The following ALOX12B variants were observed in gnomAD, a reference collection of about 807,000 sequenced individuals.
ALOX12B encodes arachidonate 12-lipoxygenase, 12R type.
A neutral mutation model predicts 78.9 loss-of-function variants in ALOX12B; 47 were observed. The ratio of observed to expected loss-of-function variants is 0.60; its 90% CI spans 0.47 to 0.76. The LOEUF (loss-of-function observed/expected upper bound fraction) is 0.76. ALOX12B is among the 30% of genes least tolerant of loss of function. ALOX12B has a pLI of 0.00. For synonymous variants in ALOX12B, 370 were observed against 374.5 expected, an observed-to-expected ratio of 0.99 and a Z score of 0.14; for missense variants, 805 against 922.6, an observed-to-expected ratio of 0.87 and a Z score of 1.65.
At position 8,072,770 on chromosome 17, in the gene ALOX12B, C is replaced by G; in HGVS notation, c.*1G>C. Reference sequence around the variant, plus strand: ...GGAGAGGAGAGACGGGAAGCGCGCTCCTAAATAGAAATGCTGTTCTCAATC... The same window carrying G: ...GGAGAGGAGAGACGGGAAGCGCGCTGCTAAATAGAAATGCTGTTCTCAATC... On this transcript the variant is annotated 3_prime_UTR_variant, in exon 15 of 15. Transcript: ENST00000647874. 6.2e-7 allele frequency: 1 copy of G among 1,614,198 alleles called. No homozygotes were observed. The highest frequency in any genetic ancestry group is 8.5e-7 in the Non-Finnish European group (1 of 1,180,042).
At position 8,079,736 on chromosome 17, in the gene ALOX12B, G is replaced by T. The variant is rs371936754; in HGVS notation, c.927+33C>A. On this transcript the variant is annotated intron_variant, in intron 7 of 14. Coordinates refer to ENST00000647874, the MANE Select transcript of ALOX12B (RefSeq NM_001139.3). This position sits in a 1 kb window ranked among gnomAD's most constrained non-coding sequence, Gnocchi z 6.4. ...GGATGCCCGCGAGGGAGGCCGGGAGGAGGGCCGGGGTCTCCGCCGGAGCGG... is the reference window on the plus strand; with the variant it reads ...GGATGCCCGCGAGGGAGGCCGGGAGTAGGGCCGGGGTCTCCGCCGGAGCGG... 7.7e-5 allele frequency: 123 copies of T among 1,600,130 alleles called. 2 individuals carry two copies. In the East Asian group the frequency reaches 1.5e-3, roughly 19 times the overall value.
At chr17:8,086,275 C>G (rs182985887) in intron 1 of ALOX12B, 55 bp from the exon 2 acceptor site, 2 of 1,571,074 alleles carry the variant, frequency 1.3e-6, no homozygotes, top group South Asian at 1.1e-5. Flanking sequence ...GGCTCCCAGG[C>G]CGCCCACCCC....
rs559401066 is a variant in ALOX12B, at chr17:8,076,302, G to A, written c.1405C>T (p.Arg469Trp). The A allele has an allele frequency of 2.2e-5, 36 of 1,612,500 alleles. No homozygotes were observed. In the South Asian group the frequency reaches 2.5e-4, roughly 11 times the overall value. The change falls in exon 11 of 15, where the codon CGG becomes TGG. Residue 469 changes from arginine (R) to tryptophan (W), a missense_variant. Arg to Trp is a moderately radical substitution (Grantham distance 101, BLOSUM62 -3). Transcript: ENST00000647874. ...TCATAGGTGAGCTCCGACAGAGCCC[G>A]TACCATCACCCCAGCAAAGCCTTCC... Reference protein sequence around the residue: ...GVEGFAGVMVRALSELTYDSL... With the variant: ...GVEGFAGVMVWALSELTYDSL...
rs1272001377 is a variant in ALOX12B at position 8,076,673 on chromosome 17, C to T, written c.1346G>A (p.Gly449Glu). Residue 449 changes from glycine to glutamate, a missense_variant, in exon 10 of 15, where the codon GGG becomes GAG. Physicochemically the swap from Gly to Glu is moderately conservative, Grantham distance 98. Transcript: ENST00000647874. ...SIGRAVLLNE[G>E]GLSAKGMSLG... ...AAGTCTTACCTTGGCAGAGAGCCCC[C>T]CCTCATTGAGGAGAACGGCCCGGCC... 30 of 1,551,350 alleles carry T rather than the reference C, an allele frequency of 1.9e-5. No individual in the cohort carries two copies. The highest frequency in any genetic ancestry group is 4.1e-5 in the African/African-American group (3 of 73,036).
At chr17:8,078,510 C>T (rs1977136700) in intron 8 of ALOX12B, among the ~76,000 whole-genome samples, 1 of 152,006 alleles carries the variant, frequency 6.6e-6, no homozygotes. Context: ...GTGGCTCACG[C>T]CTGTAGTCCC....
chr17:8,087,032 A>G (rs1313186726), intron 1 of ALOX12B, among the ~76,000 whole-genome samples: 1 of 152,084 alleles, frequency 6.6e-6, no homozygotes, highest in African/African-American at 2.4e-5. Context: ...ATGGAGAAGG[A>G]TGGCCCAGAG....
intron 12 of ALOX12B, among the ~76,000 whole-genome samples, chr17:8,075,201 G>A (rs1019644430): frequency 2.6e-5 from 4 of 152,268 alleles, no homozygotes; most frequent in South Asian, 4.1e-4. Flanking sequence ...CCCAGGTGGC[G>A]GGACCTCAGG....
In ALOX12B at chr17:8,081,091, C is replaced by T; in HGVS notation, c.434+15G>A. 6.2e-7 allele frequency: 1 copy of T among 1,613,714 alleles called. No individual in the cohort carries two copies. Among genetic ancestry groups the T allele is most frequent in the Non-Finnish European group, 8.5e-7 (1 of 1,179,968 alleles). ...CCCCTGCCGGGCGCCCAGACTCTGC[C>T]ACCCGCCCCCTCACTGGTAGAAGTC... On this transcript the variant is annotated intron_variant, in intron 3 of 14. Transcript: ENST00000647874.
chr17:8,086,135 G>C lies in ALOX12B; in HGVS notation c.233C>G (p.Pro78Arg). 2 of 1,614,188 alleles carry C rather than the reference G, an allele frequency of 1.2e-6. No individual in the cohort carries two copies. Among genetic ancestry groups the C allele is most frequent in the East Asian group, 4.5e-5 (2 of 44,874 alleles). The change falls in exon 2 of 15, where the codon CCC (proline) becomes CGC (arginine). Residue 78 changes from proline (P) to arginine (R), a missense_variant. Coordinates refer to ENST00000647874, the MANE Select transcript of ALOX12B (RefSeq NM_001139.3). ...ATAGTTGCAGTACCAAGGGTCCTTG[G>C]GGAAGAAGGCGTACCGCTCTTTGTG... ...RLHKERYAFFPKDPWYCNYVQ... is the reference protein window; with the variant it reads ...RLHKERYAFFRKDPWYCNYVQ...
In ALOX12B at chr17:8,080,836, C is replaced by T. The variant is rs547595679; in HGVS notation, c.527+48G>A. 1.9e-6 allele frequency: 3 copies of T among 1,613,900 alleles called. No homozygotes were observed. In the East Asian group the frequency reaches 6.7e-5, roughly 36 times the overall value. On this transcript the variant is annotated intron_variant, in intron 4 of 14. Transcript: ENST00000647874. This position sits in a 1 kb window ranked among gnomAD's most constrained non-coding sequence, Gnocchi z 4.8. ...CCAGGGGGCGGGGAGGAGGCAGGCG[C>T]CCAGGGGAAAACCATGGGCGGGGCC...
chr17:8,077,071 G>A lies in ALOX12B; in HGVS notation c.1194C>T (p.His398=). ...AEFYSHEAIA[H]LLETHLIAEA... Reference sequence around the variant, plus strand: ...CAGCAATGAGGTGTGTCTCCAGCAGGTGGGCGATGGCCTCGTGGCTGTAGA... The same window carrying A: ...CAGCAATGAGGTGTGTCTCCAGCAGATGGGCGATGGCCTCGTGGCTGTAGA... Residue 398 remains histidine (H), a synonymous_variant, in exon 9 of 15, where the codon CAC becomes CAT. Transcript: ENST00000647874. 6.2e-7 allele frequency: 1 copy of A among 1,614,088 alleles called. No individual in the cohort carries two copies. Among genetic ancestry groups the A allele is most frequent in the Non-Finnish European group, 8.5e-7 (1 of 1,180,022 alleles).
rs1978307735 is a variant in ALOX12B, at chr17:8,087,713, T to G, written c.-271A>C. 1 of 544,744 alleles carries G rather than the reference T, an allele frequency of 1.8e-6. No homozygotes were observed. The highest frequency in any genetic ancestry group is 3.2e-5 in the East Asian group (1 of 31,476). The allele number at this position is 544,744 out of a possible 1,614,324, so 33.7% of individuals were successfully genotyped here. A position where few individuals can be genotyped will look rare whatever the true frequency, so the allele number is the denominator to read the frequency against. On this transcript the variant is annotated 5_prime_UTR_variant, in exon 1 of 15. Transcript: ENST00000647874. ...TGAGCAGGTGTCTGGGCTCCAAGCC[T>G]TCTGGGAGCTGGTGGGGAGGAAGAG...
intron 12 of ALOX12B, among the ~76,000 whole-genome samples, chr17:8,074,073 G>A (rs946764204): frequency 4.6e-5 from 7 of 152,168 alleles, no homozygotes; most frequent in Admixed American, 1.3e-4. Flanking sequence ...GGGGATGTTG[G>A]GAGAGGCAGG....
rs765248371 is a variant in ALOX12B, at chr17:8,080,381, C to G, written c.651-43G>C. On this transcript the variant is annotated intron_variant, in intron 5 of 14. Coordinates refer to ENST00000647874, the MANE Select transcript of ALOX12B (RefSeq NM_001139.3). This position sits in a 1 kb window ranked among gnomAD's most constrained non-coding sequence, Gnocchi z 4.8. ...AGGAAGAGGCCTTCAGAGGGGCTGC[C>G]AAGCGCCGGCTGGGGCAGGTGGCGG... 1 of 1,606,848 alleles carries G rather than the reference C, an allele frequency of 6.2e-7. No homozygotes were observed. The highest frequency in any genetic ancestry group is 8.5e-7 in the Non-Finnish European group (1 of 1,173,556).
rs1336771064 is a variant in ALOX12B, at chr17:8,079,394, A to G, written c.1071+2T>C. 3 of 1,553,062 alleles carry G rather than the reference A, an allele frequency of 1.9e-6. No individual in the cohort carries two copies. The highest frequency in any genetic ancestry group is 2.6e-6 in the Non-Finnish European group (3 of 1,148,448). On this transcript the variant is annotated splice_donor_variant, in intron 8 of 14. Transcript: ENST00000647874. LOFTEE classifies it high-confidence loss of function. This position sits in a 1 kb window ranked among gnomAD's most constrained non-coding sequence, Gnocchi z 6.4. ...CGGCAGCGCCGCCTGCAGCCCAGGC[A>G]CCTGGATGGCGATGGGCATCATCTT...
Position 8,072,668 on chromosome 17 carries a change from G to A in ALOX12B, c.*103C>T. On this transcript the variant is annotated 3_prime_UTR_variant, in exon 15 of 15. Coordinates refer to ENST00000647874, the MANE Select transcript of ALOX12B (RefSeq NM_001139.3). Reference sequence around the variant, plus strand: ...AGGTTTTTTGTTTTTTTGTTTGTTTGGTGTTTTGGTCTCTGAGGTTTTTGT... The same window carrying A: ...AGGTTTTTTGTTTTTTTGTTTGTTTAGTGTTTTGGTCTCTGAGGTTTTTGT... 6.8e-7 allele frequency: 1 copy of A among 1,479,010 alleles called. No individual in the cohort carries two copies. Among genetic ancestry groups the A allele is most frequent in the Non-Finnish European group, 9.4e-7 (1 of 1,064,338 alleles). 91.6% of individuals were successfully genotyped at this position (1,479,010 alleles called of 1,614,324 possible). A position where few individuals can be genotyped will look rare whatever the true frequency, so the allele number is the denominator to read the frequency against.
Position 8,073,755 on chromosome 17 carries a change from A to G in ALOX12B, c.1657T>C (p.Phe553Leu), listed in dbSNP as rs1567980618. The change falls in exon 13 of 15, where the codon TTC becomes CTC. Residue 553 changes from phenylalanine to leucine, a missense_variant and splice_region_variant. Coordinates refer to ENST00000647874, the MANE Select transcript of ALOX12B (RefSeq NM_001139.3). ...GGCACGGTTCGCAAGCACCTAGGGA[A>G]GCCTGACCGGCGGGGGAAAAGCCCA... is the stretch of plus-strand genomic sequence containing the variant. ...ECLLGRESSGFPRCLRTVPEL... is the reference protein window; with the variant it reads ...ECLLGRESSGLPRCLRTVPEL... 6.2e-7 allele frequency: 1 copy of G among 1,613,660 alleles called. No individual in the cohort carries two copies. The highest frequency in any genetic ancestry group is 8.5e-7 in the Non-Finnish European group (1 of 1,179,800).
At chr17:8,087,172 T>A in intron 1 of ALOX12B, 124 bp downstream of exon 1, 3 of 1,398,196 alleles carry the variant, frequency 2.1e-6, no homozygotes, top group Non-Finnish European at 2.9e-6. Flanking sequence ...CTCACCTGGC[T>A]CCCCCTGCGC....
rs1977098343 is a variant in ALOX12B at position 8,076,963 on chromosome 17, G to A, written c.1275+27C>T. 1.9e-6 allele frequency: 3 copies of A among 1,606,188 alleles called. No individual in the cohort carries two copies. The African/African-American group carries it at 4.0e-5, about 21-fold the overall frequency. Reference sequence around the variant, plus strand: ...GCCAGGTGAGGGCCATGATGCCTGGGGGAGGCCCCTTCTCCCAAGCCCATA... The same window carrying A: ...GCCAGGTGAGGGCCATGATGCCTGGAGGAGGCCCCTTCTCCCAAGCCCATA... On this transcript the variant is annotated intron_variant, in intron 9 of 14. Coordinates refer to ENST00000647874, the MANE Select transcript of ALOX12B (RefSeq NM_001139.3).
Sources: gnomAD v4.1 joint callset for allele counts (sites outside exome capture counted in the v4.1 genomes callset) on GRCh38, gnomAD v4.1.1 for gene constraint, Gnocchi (gnomAD v3.1) non-coding constraint, MANE v1.5 for transcripts, NCBI Gene and HGNC (gene_info 2026-07-23, HGNC 2026-07-21) for gene names.